ERI1: variants seen among roughly 807,000 people sequenced by gnomAD.
ERI1 encodes the protein exoribonuclease 1.
In ERI1, 39 loss-of-function variants were observed where a neutral mutation model predicts 39.7. The observed-to-expected ratio is 0.98, with a 90% confidence interval of 0.76 to 1.28. The LOEUF is 1.28. Ranked by LOEUF, ERI1 falls within the 50% of genes most tolerant of loss-of-function variation. ERI1 has a pLI of 0.00. For synonymous variants in ERI1, 204 were observed against 149.6 expected, an observed-to-expected ratio of 1.36 and a Z score of -2.65; for missense variants, 581 against 416.9, an observed-to-expected ratio of 1.39 and a Z score of -3.43.
At chr8:9,094,958 T>A (rs1293321761) in intron 3 of ERI1, among the ~76,000 whole-genome samples, 1 of 151,974 alleles carries the variant, frequency 6.6e-6, no homozygotes, top group East Asian at 1.9e-4. Flanking sequence ...AGATAATTAA[T>A]TCTCAGCTTA....
chr8:9,018,286 T>C lies in ERI1; in HGVS notation c.583-11T>C. 2 of 1,556,394 alleles carry C rather than the reference T, an allele frequency of 1.3e-6. No individual in the cohort carries two copies. Among genetic ancestry groups the C allele is most frequent in the Non-Finnish European group, 1.8e-6 (2 of 1,133,796 alleles). ...CCCTGATTTTTGTATATTTTACTTT[T>C]ATATCCTCAGGATCAGGTAGACAGA... On this transcript the variant is annotated splice_polypyrimidine_tract_variant and intron_variant, in intron 4 of 6. Coordinates refer to ENST00000250263, the MANE Select transcript of ERI1 (RefSeq NM_153332.4).
intron 6 of ERI1, among the ~76,000 whole-genome samples, chr8:9,024,198 T>G (rs1044184499): frequency 6.6e-6 from 1 of 152,216 alleles, no homozygotes; most frequent in Non-Finnish European, 1.5e-5. Flanking sequence ...GTAATACATT[T>G]CTGTGAAATA....
intron 1 of ERI1, among the ~76,000 whole-genome samples, chr8:9,006,990 G>A (rs545689733): frequency 6.6e-6 from 1 of 152,194 alleles, no homozygotes; most frequent in African/African-American, 2.4e-5. Context: ...TTATAACTAA[G>A]GTAACAAGCT....
chr8:9,004,097 T>C, intron 1 of ERI1: 1 of 1,289,352 alleles, frequency 7.8e-7, no homozygotes, highest in Non-Finnish European at 1.0e-6. Context: ...CTTGTGTTCT[T>C]TGACATTGGA....
downstream of ERI1, among the ~76,000 whole-genome samples, chr8:9,036,334 G>T (rs946100936): frequency 6.6e-6 from 1 of 152,168 alleles, no homozygotes; most frequent in Non-Finnish European, 1.5e-5. Flanking sequence ...TTGAGAAACT[G>T]CCACAGCCAC....
At chr8:9,033,756 A>C (rs1410688832), downstream of ERI1, among the ~76,000 whole-genome samples, 1 of 152,176 alleles carries the variant, frequency 6.6e-6, no homozygotes, top group Non-Finnish European at 1.5e-5. Context: ...GTATGGCTTG[A>C]GCCTTGCTCT....
At chr8:9,095,813 A>G (rs1466453144) in intron 3 of ERI1, among the ~76,000 whole-genome samples, 1 of 152,046 alleles carries the variant, frequency 6.6e-6, no homozygotes, top group East Asian at 1.9e-4. Context: ...CTCGGCCAGG[A>G]CAGATGTTTA....
intron 3 of ERI1, among the ~76,000 whole-genome samples, chr8:9,040,893 T>G (rs989075553): frequency 1.3e-5 from 2 of 152,194 alleles, no homozygotes; most frequent in African/African-American, 4.8e-5. Flanking sequence ...CCAAGCCTTT[T>G]GAGTTCCTTT....
intron 6 of ERI1, among the ~76,000 whole-genome samples, chr8:9,022,731 C>T (rs1053380166): frequency 8.6e-5 from 13 of 152,004 alleles, no homozygotes; most frequent in Non-Finnish European, 1.8e-4. Context: ...TTTTTGAACT[C>T]ATTTTGTGAA....
At chr8:9,010,562 CTA>C (rs997709922) in intron 2 of ERI1, among the ~76,000 whole-genome samples, 3 of 152,022 alleles carry the variant, frequency 2.0e-5, no homozygotes, top group East Asian at 1.9e-4. Context: ...AAATAAAAGA[CTA>C]AAAAGGTTTT....
chr8:9,072,454 G>A (rs1053332089), intron 3 of ERI1: 1 of 151,946 alleles, frequency 6.6e-6, no homozygotes, highest in Non-Finnish European at 1.5e-5. Flanking sequence ...GTTTTTTACT[G>A]TGGGGTTTTG....
chr8:9,056,174 C>T (rs1044400972), intron 3 of ERI1, among the ~76,000 whole-genome samples: 4 of 152,182 alleles, frequency 2.6e-5, no homozygotes, highest in African/African-American at 7.2e-5. Flanking sequence ...GGTTTCTGGG[C>T]CTTGGAGCTG....
At chr8:9,050,721 G>A (rs6601279) in intron 3 of ERI1, among the ~76,000 whole-genome samples, 67,361 of 151,578 alleles carry the variant, frequency 0.44, 16,150 homozygotes, top group African/African-American at 0.58. Context: ...AAGGAATGGA[G>A]AAGCCTGGAT....
At chr8:9,003,972 T>G in intron 1 of ERI1, 1 of 722,978 alleles carries the variant, frequency 1.4e-6, no homozygotes, top group Non-Finnish European at 2.1e-6. Context: ...TGAATTTGGC[T>G]TATTCCCCTC....
rs59830293 is a variant in ERI1, at chr8:9,039,768, C to G, written n.299+19304C>G. 4.4e-3 allele frequency among the ~76,000 whole-genome samples: 663 copies of G among 152,254 alleles called. 3 individuals carry two copies. The highest frequency in any genetic ancestry group is 0.014 in the African/African-American group (602 of 41,542). ...TGTTATCCTGCTAAAAACTAACTGG[C>G]AGATATCTAGAACCTAATTTATTTT... On this transcript the variant is annotated intron_variant and non_coding_transcript_variant, in intron 3 of 3. Transcript: ENST00000518663.
chr8:9,092,637 C>G (rs1799744203), intron 3 of ERI1, among the ~76,000 whole-genome samples: 2 of 152,198 alleles, frequency 1.3e-5, no homozygotes, highest in Admixed American at 1.3e-4. Flanking sequence ...GCTGAGAGCG[C>G]TGAGAGCAGG....
chr8:9,036,601 C>T (rs1377560535), downstream of ERI1, among the ~76,000 whole-genome samples: 1 of 152,184 alleles, frequency 6.6e-6, no homozygotes, highest in Non-Finnish European at 1.5e-5. Flanking sequence ...GTGATACTCC[C>T]TTTATTGCAG....
At chr8:9,037,496 TG>T (rs1244345832), downstream of ERI1, among the ~76,000 whole-genome samples, 4 of 151,472 alleles carry the variant, frequency 2.6e-5, no homozygotes, top group Non-Finnish European at 5.9e-5. Context: ...ACTGTATTGT[TG>T]GGTTTTTTTT....
chr8:9,064,522 GA>G (rs1383819690), intron 3 of ERI1, among the ~76,000 whole-genome samples: 1 of 152,008 alleles, frequency 6.6e-6, no homozygotes, highest in Admixed American at 6.5e-5. Flanking sequence ...GTCTCTACCA[GA>G]AAATGAAAGG....
Sources: gnomAD v4.1 joint callset for allele counts (sites outside exome capture counted in the v4.1 genomes callset) on GRCh38, gnomAD v4.1.1 for gene constraint, MANE v1.5 for transcripts, NCBI Gene and HGNC (gene_info 2026-07-23, HGNC 2026-07-21) for gene names.